The following OR51L1 variants were observed in gnomAD, a reference collection of about 807,000 sequenced individuals.
OR51L1 encodes the protein olfactory receptor 51L1.
OR51L1 carries 1 observed loss-of-function variant against 1.4 expected under a neutral mutation model. The observed-to-expected ratio is 0.72, with a 90% CI of 0.26 to 3.42. OR51L1 has a LOEUF of 3.42. Ranked by LOEUF, OR51L1 falls within the 30% of genes most tolerant of loss-of-function variation. The probability of loss-of-function intolerance (pLI) is 0.20; values close to 1 mark genes in which losing one functional copy is unlikely to be tolerated. For missense variants in OR51L1, 378 were observed against 380.0 expected, an observed-to-expected ratio of 0.99 and a Z score of 0.04; for synonymous variants, 156 against 144.2, an observed-to-expected ratio of 1.08 and a Z score of -0.59.
At position 5,000,228 on chromosome 11, in the gene OR51L1, T is replaced by C; in HGVS notation, c.*298T>C. The C allele has an allele frequency of 4.1e-6, 1 of 243,382 alleles. No homozygotes were observed. The highest frequency in any genetic ancestry group is 1.3e-3 in the Middle Eastern group (1 of 782). The allele number at this position is 243,382 out of a possible 1,614,324, so 15.1% of individuals were successfully genotyped here. A position where few individuals can be genotyped will look rare whatever the true frequency, so the allele number is the denominator to read the frequency against. The stretch of plus-strand genomic sequence containing the variant: ...ATTATTAATGTTATTAAGTTGTCAT[T>C]GTTGTTAATGATAACAGTATTTTCC... On this transcript the variant is annotated 3_prime_UTR_variant, in exon 3 of 3. Transcript: ENST00000641819.
rs1847098134 is a variant in OR51L1 at position 4,998,999 on chromosome 11, A to G, written c.17A>G (p.Asn6Ser). The G allele has an allele frequency of 4.3e-6, 7 of 1,613,664 alleles. No individual in the cohort carries two copies. Among genetic ancestry groups the G allele is most frequent in the Non-Finnish European group, 5.9e-6 (7 of 1,179,776 alleles). ...AAAGTCACTATGGGAGACTGGAATA[A>G]CAGTGATGCTGTGGAGCCCATATTT... is the stretch of plus-strand genomic sequence containing the variant. MGDWNNSDAVEPIFIL... is the reference protein window; with the variant it reads MGDWNSSDAVEPIFIL... The change falls in exon 3 of 3, where the codon AAC becomes AGC. Residue 6 changes from asparagine to serine, a missense_variant. Transcript: ENST00000641819.
intron 2 of OR51L1, 144 bp from the exon 3 acceptor site, chr11:4,998,680 T>C (rs949256536): frequency 1.1e-5 from 3 of 274,762 alleles, no homozygotes; most frequent in African/African-American, 6.6e-5. Flanking sequence ...AGTTCTTTTT[T>C]CTCTATTCTC....
At position 4,999,788 on chromosome 11, in the gene OR51L1, A is replaced by T. The variant is rs768886448; in HGVS notation, c.806A>T (p.His269Leu). 8 of 1,613,968 alleles carry T rather than the reference A, an allele frequency of 5.0e-6. No homozygotes were observed. In the East Asian group the frequency reaches 1.8e-4, roughly 36 times the overall value. Reference protein sequence around the residue: ...GVSMVHRFGKHLSPIVHILMA... With the variant: ...GVSMVHRFGKLLSPIVHILMA... ...TCAATGGTCCATCGCTTTGGGAAGC[A>T]TCTGTCTCCCATAGTCCACATCCTC... Residue 269 changes from histidine (H) to leucine (L), a missense_variant, in exon 3 of 3, where the codon CAT becomes CTT. Physicochemically the swap from His to Leu is moderately conservative, Grantham distance 99. Coordinates refer to ENST00000641819, the MANE Select transcript of OR51L1 (RefSeq NM_001004755.2).
chr11:5,000,051 C>A lies in OR51L1; in HGVS notation c.*121C>A. 1 of 1,008,196 alleles carries A rather than the reference C, an allele frequency of 9.9e-7. No individual in the cohort carries two copies. Among genetic ancestry groups the A allele is most frequent in the Non-Finnish European group, 1.4e-6 (1 of 718,350 alleles). The allele number at this position is 1,008,196 out of a possible 1,614,324, so 62.5% of individuals were successfully genotyped here. The stretch of plus-strand genomic sequence containing the variant: ...AATCCTAATTCTTTCACTTCTTATA[C>A]ATGTAATTTCAGTTAATCTTTAACC... On this transcript the variant is annotated 3_prime_UTR_variant, in exon 3 of 3. Coordinates refer to ENST00000641819, the MANE Select transcript of OR51L1 (RefSeq NM_001004755.2).
At chr11:4,995,410 G>C (rs1847059551) in intron 1 of OR51L1, 75 bp downstream of exon 1, 1 of 152,052 alleles carries the variant, frequency 6.6e-6, no homozygotes, top group South Asian at 2.1e-4. Flanking sequence ...GTTTGCTAAA[G>C]AGAGTAAAAT....
chr11:4,998,692 C>T (rs1309286832), intron 2 of OR51L1, 132 bp from the exon 3 acceptor site: 4 of 315,702 alleles, frequency 1.3e-5, no homozygotes, highest in African/African-American at 4.3e-5. Context: ...TCTATTCTCA[C>T]GTTGCTTAAA....
rs1432148112 is a variant in OR51L1, at chr11:4,995,757, A to G, written c.-262+422A>G. The stretch of plus-strand genomic sequence containing the variant: ...CCTCAGTGTGATTAAGTTGTACTAA[A>G]ATCAACAAAGAACCACAAAGAATCA... On this transcript the variant is annotated intron_variant, in intron 1 of 2. Transcript: ENST00000641819. 1.3e-5 allele frequency among the ~76,000 whole-genome samples: 2 copies of G among 152,226 alleles called. 1 individual carries two copies. Among genetic ancestry groups the G allele is most frequent in the South Asian group, 4.1e-4 (2 of 4,828 alleles).
rs2445290 is a variant in OR51L1 at position 4,999,186 on chromosome 11, A to G, written c.204A>G (p.Leu68=). 1,358,781 of 1,613,810 alleles carry G rather than the reference A, an allele frequency of 0.84. 572,995 individuals are homozygous for G. Among genetic ancestry groups the G allele is most frequent in the Middle Eastern group, 0.88 (5,338 of 6,060 alleles). Residue 68 remains leucine (L), a synonymous_variant, in exon 3 of 3, where the codon TTA becomes TTG. Transcript: ENST00000641819. ...CCATGTATTACTTTATTTCCATCTT[A>G]GCAGTGAATGACCTGGGGATGTCCC... is the stretch of plus-strand genomic sequence containing the variant. ...HQPMYYFISI[L]AVNDLGMSLS...
intron 1 of OR51L1, among the ~76,000 whole-genome samples, 197 bp downstream of exon 1, chr11:4,995,532 G>A (rs895233413): frequency 1.3e-5 from 2 of 151,994 alleles, no homozygotes; most frequent in Non-Finnish European, 2.9e-5. Flanking sequence ...TATTTTCAGC[G>A]ATTTTAAGAT....
rs777300624 is a variant in OR51L1, at chr11:4,999,346, T to C, written c.364T>C (p.Phe122Leu). Reference protein sequence around the residue: ...LESSVLLAMAFDRFVAICHPL... With the variant: ...LESSVLLAMALDRFVAICHPL... ...GTCCTCAGTGTTGCTGGCCATGGCCTTTGACCGTTTTGTTGCTATCTGCCA... is the reference window on the plus strand; with the variant it reads ...GTCCTCAGTGTTGCTGGCCATGGCCCTTGACCGTTTTGTTGCTATCTGCCA... The change falls in exon 3 of 3, where the codon TTT becomes CTT. Residue 122 changes from phenylalanine (F) to leucine (L), a missense_variant. Phe to Leu is a conservative substitution (Grantham distance 22). Coordinates refer to ENST00000641819, the MANE Select transcript of OR51L1 (RefSeq NM_001004755.2). 19 of 1,614,006 alleles carry C rather than the reference T, an allele frequency of 1.2e-5. No individual in the cohort carries two copies. Among genetic ancestry groups the C allele is most frequent in the Non-Finnish European group, 1.4e-5 (16 of 1,180,036 alleles).
Position 4,999,895 on chromosome 11 carries a change from A to T in OR51L1, c.913A>T (p.Ile305Phe). ...CAGAACAAAGCAGATTCGTCTAGGA[A>T]TTCTCCACAAGTTTGTCCTAAGGAG... ...SVRTKQIRLG[I>F]LHKFVLRRRF Residue 305 changes from isoleucine (I) to phenylalanine (F), a missense_variant, in exon 3 of 3, where the codon ATT becomes TTT. Coordinates refer to ENST00000641819, the MANE Select transcript of OR51L1 (RefSeq NM_001004755.2). 6.2e-7 allele frequency: 1 copy of T among 1,613,336 alleles called. No homozygotes were observed. Among genetic ancestry groups the T allele is most frequent in the Non-Finnish European group, 8.5e-7 (1 of 1,179,560 alleles).
In OR51L1 at chr11:5,003,742, A is replaced by G. The variant is rs1019786900; in HGVS notation, c.*3812A>G. 10 of 152,160 alleles carry G rather than the reference A, an allele frequency of 6.6e-5. No individual in the cohort carries two copies. Among genetic ancestry groups the G allele is most frequent in the African/African-American group, 2.4e-4 (10 of 41,442 alleles). The allele number at this position is 152,160 out of a possible 1,614,324, so 9.4% of individuals were successfully genotyped here. On this transcript the variant is annotated 3_prime_UTR_variant, in exon 3 of 3. Coordinates refer to ENST00000641819, the MANE Select transcript of OR51L1 (RefSeq NM_001004755.2). ...TTAAGTTTCAAGCGGAAGATCAAAC[A>G]CAGTGTGTAAGCCTGGAGAACTAAA...
At position 4,998,837 on chromosome 11, in the gene OR51L1, TA is replaced by T; in HGVS notation, c.-145del. 1.2e-6 allele frequency: 1 copy of T among 852,800 alleles called. No individual in the cohort carries two copies. Among genetic ancestry groups the T allele is most frequent in the South Asian group, 1.9e-5 (1 of 53,740 alleles). The allele number at this position is 852,800 out of a possible 1,614,324, so 52.8% of individuals were successfully genotyped here. A position where few individuals can be genotyped will look rare whatever the true frequency, so the allele number is the denominator to read the frequency against. On this transcript the variant is annotated 5_prime_UTR_variant, in exon 3 of 3. It removes the in-frame stop codon of an upstream open reading frame in the 5' UTR. Transcript: ENST00000641819. ...TTTTTTACATAGGGCCGACAAGAGA[TA>T]CCAGCTTCCTTCCTCTGTGAGGTTA...
Position 4,999,312 on chromosome 11 carries a change from A to C in OR51L1, c.330A>C (p.Thr110=). The change falls in exon 3 of 3, where the codon ACA becomes ACC. Residue 110 remains threonine (T), a synonymous_variant. Transcript: ENST00000641819. ...YAQLFFIHTF[T]FLESSVLLAM... is the part of the protein sequence containing the mutation. ...AGCTGTTCTTCATCCACACATTCAC[A>C]TTCCTGGAGTCCTCAGTGTTGCTGG... 1 of 1,614,150 alleles carries C rather than the reference A, an allele frequency of 6.2e-7. No individual in the cohort carries two copies. Among genetic ancestry groups the C allele is most frequent in the Non-Finnish European group, 8.5e-7 (1 of 1,180,028 alleles).
At position 4,999,031 on chromosome 11, in the gene OR51L1, A is replaced by C. The variant is rs1279269366; in HGVS notation, c.49A>C (p.Arg17=). ...SDAVEPIFIL[R]GFPGLEYVHS... ...TGCTGTGGAGCCCATATTTATCCTG[A>C]GGGGTTTTCCTGGACTGGAGTATGT... The change falls in exon 3 of 3, where the codon AGG becomes CGG. Residue 17 remains arginine, a synonymous_variant. Coordinates refer to ENST00000641819, the MANE Select transcript of OR51L1 (RefSeq NM_001004755.2). The C allele has an allele frequency of 4.3e-6, 7 of 1,613,858 alleles. No homozygotes were observed. Among genetic ancestry groups the C allele is most frequent in the Non-Finnish European group, 5.9e-6 (7 of 1,179,888 alleles).
rs1258963579 is a variant in OR51L1 at position 4,999,118 on chromosome 11, A to C, written c.136A>C (p.Thr46Pro). The change falls in exon 3 of 3, where the codon ACC (threonine) becomes CCC (proline). Residue 46 changes from threonine to proline, a missense_variant. Coordinates refer to ENST00000641819, the MANE Select transcript of OR51L1 (RefSeq NM_001004755.2). ...AYLVAFMGNV[T>P]ILSVIWIESS... ...TTTGGTAGCATTTATGGGTAATGTT[A>C]CCATCCTGTCTGTCATTTGGATAGA... is the stretch of plus-strand genomic sequence containing the variant. The C allele has an allele frequency of 6.2e-7, 1 of 1,614,078 alleles. No individual in the cohort carries two copies. The highest frequency in any genetic ancestry group is 8.5e-7 in the Non-Finnish European group (1 of 1,179,958).
In OR51L1 at chr11:4,996,721, TTTTCTTTCTTTCTTTC is replaced by T. The variant is rs61073391; in HGVS notation, c.-261-728_-261-713del. ...TCTTTTCCTTCCTTCCTTTCTTTTC[TTTTCTTTCTTTCTTTC>T]TTTCTTTCTTTCTTTCTTTCTTTCT... On this transcript the variant is annotated intron_variant, in intron 1 of 2. Coordinates refer to ENST00000641819, the MANE Select transcript of OR51L1 (RefSeq NM_001004755.2). Among the ~76,000 whole-genome samples, 197 of 106,358 alleles carry T rather than the reference TTTTCTTTCTTTCTTTC, an allele frequency of 1.9e-3. 4 individuals carry two copies. The highest frequency in any genetic ancestry group is 6.6e-3 in the African/African-American group (186 of 28,100). The allele number at this position is 106,358 out of a possible 152,430, so 69.8% of individuals were successfully genotyped here. A position where few individuals can be genotyped will look rare whatever the true frequency, so the allele number is the denominator to read the frequency against.
Position 5,002,607 on chromosome 11 carries a change from G to A in OR51L1, c.*2677G>A, listed in dbSNP as rs375200344. ...GCTGGAGAAATGAGCCTTGCCTGGG[G>A]TCATCCACTGACACATTCAATGACT... On this transcript the variant is annotated 3_prime_UTR_variant, in exon 3 of 3. Transcript: ENST00000641819. 19 of 151,886 alleles carry A rather than the reference G, an allele frequency of 1.3e-4. No homozygotes were observed. Among genetic ancestry groups the A allele is most frequent in the African/African-American group, 4.6e-4 (19 of 41,312 alleles). 9.4% of individuals were successfully genotyped at this position (151,886 alleles called of 1,614,324 possible).
Position 4,999,474 on chromosome 11 carries a change from A to G in OR51L1, c.492A>G (p.Leu164=), listed in dbSNP as rs761802526. 4 of 1,613,958 alleles carry G rather than the reference A, an allele frequency of 2.5e-6. No individual in the cohort carries two copies. The African/African-American group carries it at 4.0e-5, about 16-fold the overall frequency. The part of the protein sequence containing the change: ...SLGVVLPTPL[L]LRHYHYCHGN... The stretch of plus-strand genomic sequence containing the variant: ...GAGTTGTACTTCCCACACCTTTGCT[A>G]CTGAGACACTATCACTACTGCCATG... The change falls in exon 3 of 3, where the codon CTA becomes CTG. Residue 164 remains leucine (L), a synonymous_variant. Transcript: ENST00000641819.
Sources: allele counts gnomAD v4.1 joint callset (sites outside exome capture counted in the v4.1 genomes callset), GRCh38; gene constraint gnomAD v4.1.1; transcripts MANE v1.5; gene names NCBI Gene and HGNC (gene_info 2026-07-23, HGNC 2026-07-21).